The following ANKRD6 variants were observed in gnomAD, a reference collection of about 807,000 sequenced individuals.
ANKRD6 encodes ankyrin repeat domain 6, also known as ankyrin repeat domain-containing protein 6.
Under a neutral mutation model 82.3 loss-of-function variants are expected in ANKRD6, and 56 were observed. The ratio of observed to expected loss-of-function variants is 0.68; its 90% CI spans 0.55 to 0.85. The LOEUF is 0.85. Ranked by LOEUF, ANKRD6 falls within the 40% of genes least tolerant of loss-of-function variation. The pLI is 0.00. For synonymous variants in ANKRD6, 347 were observed against 352.1 expected, an observed-to-expected ratio of 0.99 and a Z score of 0.16; for missense variants, 852 against 907.6, an observed-to-expected ratio of 0.94 and a Z score of 0.79.
At chr6:89,496,122 T>C (rs1326980958) in intron 1 of ANKRD6, among the ~76,000 whole-genome samples, 4 of 151,884 alleles carry the variant, frequency 2.6e-5, no homozygotes, top group Non-Finnish European at 5.9e-5. Context: ...GAGTTGTGCT[T>C]CTCCAGGTCT....
At chr6:89,606,206 C>T (rs1798578117) in intron 5 of ANKRD6, 101 bp downstream of exon 5, 6 of 924,732 alleles carry the variant, frequency 6.5e-6, no homozygotes, top group East Asian at 5.5e-5. Flanking sequence ...AGTGAGAGCC[C>T]AGAGTGGCAC....
intron 2 of ANKRD6, among the ~76,000 whole-genome samples, chr6:89,590,573 C>G (rs1378567525): frequency 6.6e-6 from 1 of 152,118 alleles, no homozygotes; most frequent in African/African-American, 2.4e-5. Flanking sequence ...TAAACAAACC[C>G]CAGAGGTTAG....
chr6:89,552,958 T>C (rs769172825), intron 1 of ANKRD6, among the ~76,000 whole-genome samples: 11 of 152,180 alleles, frequency 7.2e-5, no homozygotes, highest in Non-Finnish European at 1.2e-4. Flanking sequence ...GATAGTGGTG[T>C]GGACAGTCCA....
chr6:89,623,004 G>A (rs1413230684), intron 10 of ANKRD6, among the ~76,000 whole-genome samples: 1 of 140,846 alleles, frequency 7.1e-6, no homozygotes, highest in Admixed American at 7.4e-5. Flanking sequence ...TTGTGGGTTG[G>A]GGTGGGGGAG....
chr6:89,449,749 C>G (rs1418137323), intron 1 of ANKRD6, among the ~76,000 whole-genome samples: 1 of 152,178 alleles, frequency 6.6e-6, no homozygotes, highest in African/African-American at 2.4e-5. Flanking sequence ...TCCCTTTACC[C>G]TCCCCTCTTC....
Position 89,562,058 on chromosome 6 carries a change from CT to C in ANKRD6, c.-143-4775del, listed in dbSNP as rs531817804. The stretch of plus-strand genomic sequence containing the variant: ...AGAGAGGAAAATGTGGGGATATTGG[CT>C]CAAGTCAAAATGAAAGCCCTCTCCT... On this transcript the variant is annotated intron_variant, in intron 1 of 15. Transcript: ENST00000339746. Among the ~76,000 whole-genome samples, 51 of 152,274 alleles carry C rather than the reference CT, an allele frequency of 3.3e-4. No homozygotes were observed. The South Asian group carries it at 0.01, about 31-fold the overall frequency.
intron 1 of ANKRD6, among the ~76,000 whole-genome samples, chr6:89,454,140 T>A (rs1307061357): frequency 6.6e-6 from 1 of 152,164 alleles, no homozygotes; most frequent in Non-Finnish European, 1.5e-5. Flanking sequence ...TGGTGTCATT[T>A]CTTCATTTTT....
At chr6:89,468,950 C>A (rs192453269) in intron 1 of ANKRD6, among the ~76,000 whole-genome samples, 1 of 151,978 alleles carries the variant, frequency 6.6e-6, no homozygotes, top group Non-Finnish European at 1.5e-5. Flanking sequence ...ATGATTGTTG[C>A]CTGGGACTTG....
intron 1 of ANKRD6, among the ~76,000 whole-genome samples, chr6:89,518,367 A>C (rs908830294): frequency 6.6e-6 from 1 of 151,110 alleles, no homozygotes; most frequent in Non-Finnish European, 1.5e-5. Context: ...GCGCCATTGC[A>C]CTCCACCCTG....
intron 1 of ANKRD6, among the ~76,000 whole-genome samples, chr6:89,495,540 G>T (rs888988215): frequency 6.6e-6 from 1 of 152,128 alleles, no homozygotes; most frequent in African/African-American, 2.4e-5. Context: ...TATATAAATG[G>T]AATCAACTCT....
In ANKRD6 at chr6:89,465,952, C is replaced by T. The variant is rs77522246; in HGVS notation, c.-144+32577C>T. Among the ~76,000 whole-genome samples the T allele has an allele frequency of 7.8e-3, 1,188 of 152,102 alleles. 18 individuals carry two copies. The highest frequency in any genetic ancestry group is 0.027 in the African/African-American group (1,111 of 41,494). Reference sequence around the variant, plus strand: ...GGTTATTATGGATAAAGTACTTTGCCAGCAAAATTAATACATATTCATTGT... The same window carrying T: ...GGTTATTATGGATAAAGTACTTTGCTAGCAAAATTAATACATATTCATTGT... On this transcript the variant is annotated intron_variant, in intron 1 of 15. Coordinates refer to ENST00000339746, the MANE Select transcript of ANKRD6 (RefSeq NM_001242809.2).
At position 89,633,660 on chromosome 6, in the gene ANKRD6, AAAGG is replaced by A. The variant is rs1207346028; in HGVS notation, c.*2657_*2660del. On this transcript the variant is annotated 3_prime_UTR_variant, in exon 16 of 16. Coordinates refer to ENST00000339746, the MANE Select transcript of ANKRD6 (RefSeq NM_001242809.2). ...ACTTTTGATTTTGGGAGCCCAAAAT[AAAGG>A]GAGTGTTGTTTTCATGGTTATGCCT... 1 of 152,238 alleles carries A rather than the reference AAAGG, an allele frequency of 6.6e-6. No individual in the cohort carries two copies. Among genetic ancestry groups the A allele is most frequent in the Non-Finnish European group, 1.5e-5 (1 of 68,036 alleles). The allele number at this position is 152,238 out of a possible 1,614,324, so 9.4% of individuals were successfully genotyped here.
At chr6:89,466,785 C>A (rs192933818) in intron 1 of ANKRD6, among the ~76,000 whole-genome samples, 1 of 152,164 alleles carries the variant, frequency 6.6e-6, no homozygotes, top group Non-Finnish European at 1.5e-5. Context: ...TGACTCACTG[C>A]AGCCTCAACC....
At chr6:89,489,134 G>A (rs1337184744) in intron 1 of ANKRD6, among the ~76,000 whole-genome samples, 1 of 152,144 alleles carries the variant, frequency 6.6e-6, no homozygotes, top group Non-Finnish European at 1.5e-5. Flanking sequence ...TGCTCCTGAA[G>A]GGGTCTCAGT....
intron 1 of ANKRD6, among the ~76,000 whole-genome samples, chr6:89,512,616 C>G (rs758538744): frequency 6.6e-6 from 1 of 152,110 alleles, no homozygotes; most frequent in Non-Finnish European, 1.5e-5. Context: ...TTGGGGTAAA[C>G]CTGGACTTTG....
At chr6:89,539,507 C>A (rs1784220670) in intron 1 of ANKRD6, among the ~76,000 whole-genome samples, 1 of 151,824 alleles carries the variant, frequency 6.6e-6, no homozygotes, top group Non-Finnish European at 1.5e-5. Context: ...AGAATTGCTA[C>A]CTCCTTTATA....
At chr6:89,459,080 C>T (rs1422844771) in intron 1 of ANKRD6, among the ~76,000 whole-genome samples, 1 of 151,474 alleles carries the variant, frequency 6.6e-6, no homozygotes, top group Non-Finnish European at 1.5e-5. Context: ...ATGAATATGT[C>T]TTTTTTTTTA....
At chr6:89,434,396 C>A (rs1339811089) in intron 1 of ANKRD6, among the ~76,000 whole-genome samples, 1 of 152,200 alleles carries the variant, frequency 6.6e-6, no homozygotes, top group Non-Finnish European at 1.5e-5. Context: ...GCAATGAAGA[C>A]AAACACACCT....
intron 1 of ANKRD6, among the ~76,000 whole-genome samples, chr6:89,558,847 T>C (rs910826662): frequency 5.3e-5 from 8 of 152,132 alleles, no homozygotes; most frequent in African/African-American, 1.9e-4. Context: ...ATGAGAACTC[T>C]GAACTTTCTG....
Sources: gnomAD v4.1 joint callset for allele counts (sites outside exome capture counted in the v4.1 genomes callset) on GRCh38, gnomAD v4.1.1 for gene constraint, MANE v1.5 for transcripts, NCBI Gene and HGNC (gene_info 2026-07-23, HGNC 2026-07-21) for gene names.